KCNK12: variants seen among roughly 807,000 people sequenced by gnomAD.
KCNK12 encodes potassium two pore domain channel subfamily K member 12, also known as potassium channel subfamily K member 12.
Under a neutral mutation model 25.3 loss-of-function variants are expected in KCNK12, and 6 were observed. The observed-to-expected ratio is 0.24, with a 90% confidence interval of 0.13 to 0.47. KCNK12 has a LOEUF of 0.47. Among genes scored for constraint, KCNK12 ranks in the 20% least tolerant of loss-of-function variants. The probability of loss-of-function intolerance (pLI) is 0.99; values close to 1 mark genes in which losing one functional copy is unlikely to be tolerated. For synonymous variants in KCNK12, 331 were observed against 311.1 expected (o/e 1.06, Z -0.67); for missense variants, 444 against 661.7 (o/e 0.67, Z 3.61).
chr2:47,567,333 G>A (rs1669804296), intron 1 of KCNK12, among the ~76,000 whole-genome samples: 1 of 152,100 alleles, frequency 6.6e-6, no homozygotes, highest in African/African-American at 2.4e-5. Flanking sequence ...ATTTTTTGTG[G>A]ACTGAGGTTT....
chr2:47,570,558 T>G lies in KCNK12; in HGVS notation c.-227A>C. ...CACGCGAGTCCCGTGGCCCAGCGGG[T>G]GCCCGGGCAGGGGCGCTCCTCTGCG... is the stretch of plus-strand genomic sequence containing the variant. On this transcript the variant is annotated 5_prime_UTR_variant, in exon 1 of 2. Coordinates refer to ENST00000327876, the MANE Select transcript of KCNK12 (RefSeq NM_022055.2). 3.0e-6 allele frequency: 1 copy of G among 331,018 alleles called. No individual in the cohort carries two copies. The allele number at this position is 331,018 out of a possible 1,614,324, so 20.5% of individuals were successfully genotyped here.
In KCNK12 at chr2:47,551,123, C is replaced by T. The variant is rs963391376; in HGVS notation, c.391+18818G>A. On this transcript the variant is annotated intron_variant, in intron 1 of 1. Coordinates refer to ENST00000327876, the MANE Select transcript of KCNK12 (RefSeq NM_022055.2). The surrounding 1 kb of genome is among the most constrained non-coding windows in gnomAD (Gnocchi z 5.3). ...GCCTGGAGACCCTGCATGACCTAGT[C>T]TCTGGCTACTGCTCTGAGCTCACAT... Among the ~76,000 whole-genome samples the T allele has an allele frequency of 3.3e-5, 5 of 152,276 alleles. No individual in the cohort carries two copies. The East Asian group carries it at 9.7e-4, about 29-fold the overall frequency.
At chr2:47,521,879 T>TG in intron 1 of KCNK12, 71 bp from the exon 2 acceptor site, 4 of 327,712 alleles carry the variant, frequency 1.2e-5, no homozygotes, top group South Asian at 4.9e-5. Context: ...GGGTGGGGGG[T>TG]GTGGGGGCGG....
rs1040511702 is a variant in KCNK12, at chr2:47,569,548, G to A, written c.391+393C>T. On this transcript the variant is annotated intron_variant, in intron 1 of 1. Coordinates refer to ENST00000327876, the MANE Select transcript of KCNK12 (RefSeq NM_022055.2). This position sits in a 1 kb window ranked among gnomAD's most constrained non-coding sequence, Gnocchi z 4.1. ...GAAAAGAAATAAAAGCGCCGAGGGTGGAGGGAGAAGGGGCTTTTGAGATCA... is the reference window on the plus strand; with the variant it reads ...GAAAAGAAATAAAAGCGCCGAGGGTAGAGGGAGAAGGGGCTTTTGAGATCA... 1.3e-5 allele frequency among the ~76,000 whole-genome samples: 2 copies of A among 152,064 alleles called. No homozygotes were observed. Among genetic ancestry groups the A allele is most frequent in the Non-Finnish European group, 2.9e-5 (2 of 68,008 alleles).
In KCNK12 at chr2:47,551,022, T is replaced by G. The variant is rs1669419143; in HGVS notation, c.391+18919A>C. ...TTTTAACCTAAGTTTTGCCTCAGGA[T>G]CTAATCATGCTTCTTCTCAAAATCC... On this transcript the variant is annotated intron_variant, in intron 1 of 1. Transcript: ENST00000327876. The surrounding 1 kb of genome is among the most constrained non-coding windows in gnomAD (Gnocchi z 5.3). Among the ~76,000 whole-genome samples the G allele has an allele frequency of 6.6e-6, 1 of 152,086 alleles. No individual in the cohort carries two copies. The highest frequency in any genetic ancestry group is 2.1e-4 in the South Asian group (1 of 4,822).
At position 47,525,135 on chromosome 2, in the gene KCNK12, A is replaced by ACATCC. The variant is rs1469447177; in HGVS notation, c.392-3332_392-3328dup. Among the ~76,000 whole-genome samples the ACATCC allele has an allele frequency of 6.6e-6, 1 of 152,252 alleles. No homozygotes were observed. The highest frequency in any genetic ancestry group is 1.5e-5 in the Non-Finnish European group (1 of 68,038). On this transcript the variant is annotated intron_variant, in intron 1 of 1. Coordinates refer to ENST00000327876, the MANE Select transcript of KCNK12 (RefSeq NM_022055.2). This position sits in a 1 kb window ranked among gnomAD's most constrained non-coding sequence, Gnocchi z 4.1. ...CCCATTCTAAAGAGAAGTTCCAGACACATCCATGCTGGACTTAATAAAACA... is the reference window on the plus strand; with the variant it reads ...CCCATTCTAAAGAGAAGTTCCAGACACATCCCATCCATGCTGGACTTAATAAAACA...
At position 47,512,347 on chromosome 2, in the gene KCNK12, GA is replaced by G. The variant is rs1668423181; in HGVS notation, c.*8559del. On this transcript the variant is annotated 3_prime_UTR_variant, in exon 2 of 2. Transcript: ENST00000327876. ...CAAAAGACCAGTGCCTCATTTTGCT[GA>G]CATGGAAAAGGAAACTTCGTGGGGG... 6.2e-7 allele frequency: 1 copy of G among 1,612,422 alleles called. No individual in the cohort carries two copies. Among genetic ancestry groups the G allele is most frequent in the African/African-American group, 1.3e-5 (1 of 74,924 alleles).
chr2:47,527,015 G>T (rs969369260), intron 1 of KCNK12, among the ~76,000 whole-genome samples: 2 of 152,188 alleles, frequency 1.3e-5, no homozygotes, highest in African/African-American at 4.8e-5. Context: ...TGCAGAAACT[G>T]CAGGTTAAAG....
chr2:47,558,168 C>T (rs1454924156), intron 1 of KCNK12, among the ~76,000 whole-genome samples: 1 of 152,252 alleles, frequency 6.6e-6, no homozygotes, highest in African/African-American at 2.4e-5. Context: ...CTGTGCCAGG[C>T]ACTGGAGACA....
At chr2:47,522,862 G>A (rs922210105) in intron 1 of KCNK12, among the ~76,000 whole-genome samples, 1 of 152,058 alleles carries the variant, frequency 6.6e-6, no homozygotes, top group African/African-American at 2.4e-5. Flanking sequence ...CTGTTCAAAG[G>A]GCAGTTTTTA....
rs1417085261 is a variant in KCNK12 at position 47,566,439 on chromosome 2, C to T, written c.391+3502G>A. The T allele has an allele frequency of 1.3e-5, 2 of 152,056 alleles. No homozygotes were observed. Among genetic ancestry groups the T allele is most frequent in the Admixed American group, 1.3e-4 (2 of 15,278 alleles). The allele number at this position is 152,056 out of a possible 1,614,324, so 9.4% of individuals were successfully genotyped here. On this transcript the variant is annotated intron_variant, in intron 1 of 1. Coordinates refer to ENST00000327876, the MANE Select transcript of KCNK12 (RefSeq NM_022055.2). The surrounding 1 kb of genome is among the most constrained non-coding windows in gnomAD (Gnocchi z 4.1). Reference sequence around the variant, plus strand: ...ACGTGTGTACACACACACGTGCACACACACATACACACACTGGTGCAAAAA... The same window carrying T: ...ACGTGTGTACACACACACGTGCACATACACATACACACACTGGTGCAAAAA...
In KCNK12 at chr2:47,513,073, T is replaced by C. The variant is rs1668442175; in HGVS notation, c.*7834A>G. ...CACAAGTGATAGGTACAGATAGAAG[T>C]GTCTGATACTACATAGATTATGCTT... On this transcript the variant is annotated 3_prime_UTR_variant, in exon 2 of 2. Coordinates refer to ENST00000327876, the MANE Select transcript of KCNK12 (RefSeq NM_022055.2). 1 of 152,772 alleles carries C rather than the reference T, an allele frequency of 6.5e-6. No homozygotes were observed. Among genetic ancestry groups the C allele is most frequent in the Admixed American group, 6.5e-5 (1 of 15,388 alleles). 9.5% of individuals were successfully genotyped at this position (152,772 alleles called of 1,614,324 possible). A position where few individuals can be genotyped will look rare whatever the true frequency, so the allele number is the denominator to read the frequency against.
At chr2:47,549,888 C>G (rs375126086) in intron 1 of KCNK12, among the ~76,000 whole-genome samples, 1 of 151,194 alleles carries the variant, frequency 6.6e-6, no homozygotes, top group Admixed American at 6.6e-5. Context: ...GAGCTGAGAT[C>G]GCACCACTGC....
At position 47,512,543 on chromosome 2, in the gene KCNK12, G is replaced by C; in HGVS notation, c.*8364C>G. ...GCAGGAAGCTCTCAAAAATGGACCAGAAAGGGGTCAGGAATATAACTTTCT... is the reference window on the plus strand; with the variant it reads ...GCAGGAAGCTCTCAAAAATGGACCACAAAGGGGTCAGGAATATAACTTTCT... On this transcript the variant is annotated 3_prime_UTR_variant, in exon 2 of 2. Coordinates refer to ENST00000327876, the MANE Select transcript of KCNK12 (RefSeq NM_022055.2). 8.1e-7 allele frequency: 1 copy of C among 1,240,654 alleles called. No individual in the cohort carries two copies. Among genetic ancestry groups the C allele is most frequent in the Non-Finnish European group, 1.1e-6 (1 of 905,646 alleles). The allele number at this position is 1,240,654 out of a possible 1,614,324, so 76.9% of individuals were successfully genotyped here.
rs564547525 is a variant in KCNK12, at chr2:47,528,786, G to C, written c.392-6978C>G. ...CTGTCTGGTGCCGCCTTCGCAAATGGGGCCCTGGTGATGGGGCCTTCGGAG... is the reference window on the plus strand; with the variant it reads ...CTGTCTGGTGCCGCCTTCGCAAATGCGGCCCTGGTGATGGGGCCTTCGGAG... On this transcript the variant is annotated intron_variant, in intron 1 of 1. Transcript: ENST00000327876. The surrounding 1 kb of genome is among the most constrained non-coding windows in gnomAD (Gnocchi z 4.5). 1.2e-4 allele frequency among the ~76,000 whole-genome samples: 19 copies of C among 152,330 alleles called. No individual in the cohort carries two copies. The highest frequency in any genetic ancestry group is 2.5e-4 in the Non-Finnish European group (17 of 68,032).
chr2:47,543,322 G>A, intron 1 of KCNK12: 1 of 151,420 alleles, frequency 6.6e-6, no homozygotes, highest in South Asian at 2.1e-4. Context: ...AGGCTTATGT[G>A]GGGTTTTCTG....
chr2:47,537,956 A>C (rs1463953045), intron 1 of KCNK12, among the ~76,000 whole-genome samples: 1 of 152,184 alleles, frequency 6.6e-6, no homozygotes, highest in East Asian at 1.9e-4. Context: ...CAAGGTCTGC[A>C]AGGTCCAGGT....
intron 1 of KCNK12, among the ~76,000 whole-genome samples, chr2:47,524,722 T>C (rs1668731137): frequency 6.6e-6 from 1 of 152,182 alleles, no homozygotes; most frequent in South Asian, 2.1e-4. Flanking sequence ...ATCTGTTAAA[T>C]TGTATGTTTT....
chr2:47,521,878 GTGTGGGGGC>G, intron 1 of KCNK12, 70 bp from the exon 2 acceptor site: 3 of 1,236,952 alleles, frequency 2.4e-6, no homozygotes, highest in Non-Finnish European at 3.2e-6. Flanking sequence ...AGGGTGGGGG[GTGTGGGGGC>G]GGGGGCATGC....
Sources: gnomAD v4.1 joint callset for allele counts (sites outside exome capture counted in the v4.1 genomes callset) on GRCh38, gnomAD v4.1.1 for gene constraint, Gnocchi (gnomAD v3.1) non-coding constraint, MANE v1.5 for transcripts, NCBI Gene and HGNC (gene_info 2026-07-23, HGNC 2026-07-21) for gene names.